MYBPC1: variants seen among roughly 807,000 people sequenced by gnomAD.
The protein encoded by MYBPC1 is myosin-binding protein C, slow-type.
A neutral mutation model predicts 147.1 loss-of-function variants in MYBPC1; 52 were observed. The observed-to-expected ratio is 0.35, with a 90% CI of 0.28 to 0.45. The LOEUF (loss-of-function observed/expected upper bound fraction) is 0.45. MYBPC1 is among the 20% of genes least tolerant of loss of function. The pLI, the probability that MYBPC1 is intolerant of heterozygous loss-of-function variation, is 1.00. For missense variants in MYBPC1, 1,228 were observed against 1,440.3 expected (o/e 0.85, Z 2.39); for synonymous variants, 477 against 475.9 (o/e 1.00, Z -0.03).
chr12:101,643,441 C>T (rs960590108), intron 11 of MYBPC1, among the ~76,000 whole-genome samples: 2 of 152,134 alleles, frequency 1.3e-5, no homozygotes, highest in Middle Eastern at 3.2e-3. Flanking sequence ...TTTCCCCAAG[C>T]TGAACTTTGT....
chr12:101,606,297 C>T (rs1434017502), intron 1 of MYBPC1, among the ~76,000 whole-genome samples: 1 of 151,748 alleles, frequency 6.6e-6, no homozygotes, highest in Non-Finnish European at 1.5e-5. Flanking sequence ...ATTATGTATC[C>T]TCTGGAAAAC....
At chr12:101,628,046 A>T in intron 5 of MYBPC1, 3 of 474,788 alleles carry the variant, frequency 6.3e-6, no homozygotes, top group Admixed American at 3.3e-5. Flanking sequence ...ATCATTTTTA[A>T]TATTTAGCAA....
At chr12:101,658,079 C>T (rs1895873399) in intron 18 of MYBPC1, among the ~76,000 whole-genome samples, 1 of 148,952 alleles carries the variant, frequency 6.7e-6, no homozygotes, top group African/African-American at 2.5e-5. Flanking sequence ...TGCAGTGAGC[C>T]GAGATCGCGC....
chr12:101,682,537 TGTGAAAAAAGG>T (rs1951080146), intron 29 of MYBPC1, 56 bp from the exon 30 acceptor site: 8 of 1,449,132 alleles, frequency 5.5e-6, no homozygotes, highest in Non-Finnish European at 4.8e-6. Context: ...CAAGTTGAGT[TGTGAAAAAAGG>T]TAAGAATGTC....
intron 1 of MYBPC1, 50 bp from the exon 2 acceptor site, chr12:101,614,446 T>G: frequency 6.2e-7 from 1 of 1,610,176 alleles, no homozygotes; most frequent in Non-Finnish European, 8.5e-7. Flanking sequence ...AAAGCAGTTC[T>G]TCTCTGTGAT....
chr12:101,678,028 A>G, intron 27 of MYBPC1, 74 bp from the exon 28 acceptor site: 1 of 1,538,146 alleles, frequency 6.5e-7, no homozygotes, highest in Non-Finnish European at 9.0e-7. Flanking sequence ...AATCATGTGT[A>G]AAGTATGCCA....
At position 101,665,025 on chromosome 12, in the gene MYBPC1, G is replaced by A. The variant is rs564926925; in HGVS notation, c.2356+1465G>A. Among the ~76,000 whole-genome samples, 15 of 152,136 alleles carry A rather than the reference G, an allele frequency of 9.9e-5. 1 individual carries two copies. In the South Asian group the frequency reaches 2.7e-3, roughly 27 times the overall value. ...TAAACCTTTTGTGTATGTATGAATC[G>A]AGCAAATTCTTTACTCTTTTCTTTC... is the stretch of plus-strand genomic sequence containing the variant. On this transcript the variant is annotated intron_variant, in intron 22 of 31. Coordinates refer to ENST00000361466, the MANE Select transcript of MYBPC1 (RefSeq NM_002465.4).
chr12:101,675,174 CT>C, intron 25 of MYBPC1, 117 bp from the exon 26 acceptor site: 1 of 1,382,014 alleles, frequency 7.2e-7, no homozygotes, highest in Non-Finnish European at 1.0e-6. Flanking sequence ...ATGGTAGGGT[CT>C]AGAAGAGTGA....
chr12:101,659,530 C>T (rs1047969994), intron 18 of MYBPC1, 142 bp from the exon 19 acceptor site: 6 of 828,476 alleles, frequency 7.2e-6, no homozygotes, highest in African/African-American at 5.1e-5. Context: ...TATATAGTTA[C>T]ACTATATAGT....
At chr12:101,679,463 C>G (rs976276123) in intron 28 of MYBPC1, among the ~76,000 whole-genome samples, 2 of 152,122 alleles carry the variant, frequency 1.3e-5, no homozygotes, top group Non-Finnish European at 2.9e-5. Flanking sequence ...GGTGCCATCT[C>G]TAGGTTCTGA....
In MYBPC1 at chr12:101,652,986, C is replaced by T. The variant is rs1330085821; in HGVS notation, c.1634-129C>T. On this transcript the variant is annotated intron_variant, in intron 17 of 31. Coordinates refer to ENST00000361466, the MANE Select transcript of MYBPC1 (RefSeq NM_002465.4). ...TTGCAAGGTGCCAGGCACCAACTAT[C>T]TTGACTCCTCTTATATTCTTTTTGA... The T allele has an allele frequency of 2.3e-6, 3 of 1,325,128 alleles. No individual in the cohort carries two copies. In the African/African-American group the frequency reaches 4.4e-5, roughly 19 times the overall value. The allele number at this position is 1,325,128 out of a possible 1,614,324, so 82.1% of individuals were successfully genotyped here.
intron 18 of MYBPC1, among the ~76,000 whole-genome samples, chr12:101,658,414 A>C (rs1251571666): frequency 6.6e-6 from 1 of 152,150 alleles, no homozygotes; most frequent in Non-Finnish European, 1.5e-5. Context: ...TACCGTAAAA[A>C]GAAAAACCCA....
intron 1 of MYBPC1, among the ~76,000 whole-genome samples, chr12:101,610,394 C>T (rs1227647747): frequency 6.6e-6 from 1 of 152,176 alleles, no homozygotes; most frequent in Non-Finnish European, 1.5e-5. Flanking sequence ...TCTGTCCAGT[C>T]CCCAGATGCT....
intron 28 of MYBPC1, 96 bp downstream of exon 28, chr12:101,678,334 G>T (rs1900492499): frequency 2.0e-6 from 3 of 1,531,238 alleles, no homozygotes; most frequent in Non-Finnish European, 1.8e-6. Context: ...GCTGCTACTT[G>T]TGTCTTCCCA....
chr12:101,608,863 C>T (rs143998196), intron 1 of MYBPC1, among the ~76,000 whole-genome samples: 44 of 152,210 alleles, frequency 2.9e-4, no homozygotes, highest in East Asian at 1.5e-3. Context: ...GGGTGAATGC[C>T]CCTGGAGCCT....
chr12:101,671,245 T>C (rs1348690930), intron 24 of MYBPC1, among the ~76,000 whole-genome samples: 1 of 152,002 alleles, frequency 6.6e-6, no homozygotes, highest in Non-Finnish European at 1.5e-5. Context: ...ACGTGTACCT[T>C]GTGGCTATCG....
At chr12:101,615,914 T>C (rs1885922152) in intron 2 of MYBPC1, among the ~76,000 whole-genome samples, 1 of 152,092 alleles carries the variant, frequency 6.6e-6, no homozygotes, top group Non-Finnish European at 1.5e-5. Flanking sequence ...TTCTTTCTCT[T>C]TCTTGAGACA....
intron 28 of MYBPC1, 61 bp downstream of exon 28, chr12:101,678,299 G>T (rs1277292513): frequency 1.3e-6 from 2 of 1,597,018 alleles, no homozygotes; most frequent in Non-Finnish European, 1.7e-6. Flanking sequence ...GTGTTATAAT[G>T]TAAGTAACAA....
chr12:101,655,430 C>T (rs959807194), intron 18 of MYBPC1, among the ~76,000 whole-genome samples: 3 of 152,034 alleles, frequency 2.0e-5, no homozygotes, highest in African/African-American at 7.2e-5. Context: ...CAAAATGAAA[C>T]ACAAGAGAAA....
Sources: gnomAD v4.1 joint callset for allele counts (sites outside exome capture counted in the v4.1 genomes callset) on GRCh38, gnomAD v4.1.1 for gene constraint, MANE v1.5 for transcripts, NCBI Gene and HGNC (gene_info 2026-07-23, HGNC 2026-07-21) for gene names.